HUNK: variants seen among roughly 807,000 people sequenced by gnomAD.
HUNK encodes hormonally up-regulated Neu-associated kinase.
A neutral mutation model predicts 61.0 loss-of-function variants in HUNK; 21 were observed. The ratio of observed to expected loss-of-function variants is 0.34; its 90% CI spans 0.24 to 0.50. The LOEUF is 0.50. HUNK is among the 20% of genes least tolerant of loss of function. The probability of loss-of-function intolerance (pLI) is 0.98; values close to 1 mark genes in which losing one functional copy is unlikely to be tolerated. For missense variants in HUNK, 772 were observed against 945.7 expected (o/e 0.82, Z 2.41); for synonymous variants, 371 against 386.1 (o/e 0.96, Z 0.46).
At chr21:31,931,511 C>T (rs556740786) in intron 2 of HUNK, among the ~76,000 whole-genome samples, 7 of 152,092 alleles carry the variant, frequency 4.6e-5, no homozygotes, top group Admixed American at 2.0e-4. Context: ...TCATGATGGT[C>T]GGGTTCCAGG....
chr21:31,951,929 G>A (rs2123835988), intron 4 of HUNK, among the ~76,000 whole-genome samples: 1 of 152,346 alleles, frequency 6.6e-6, no homozygotes, highest in Non-Finnish European at 1.5e-5. Flanking sequence ...AGTGGGAAGA[G>A]TAAAGCTATG....
rs778552135 is a variant in HUNK, at chr21:31,999,017, C to T, written c.1978C>T (p.Arg660Ter). ...GGGGAGCCCCAATTGTGTGAAAAGC[C>T]GAGGCCGGTTCCCTATGATGGGCAT... ...PLGSPNCVKS[R>*]GRFPMMGIGQ... Residue 660 changes from arginine to a stop codon, truncating the protein, a stop_gained, in exon 11 of 11, where the codon CGA (arginine) becomes TGA (stop). Coordinates refer to ENST00000270112, the MANE Select transcript of HUNK (RefSeq NM_014586.2). LOFTEE classifies it high-confidence loss of function. 14 of 1,614,078 alleles carry T rather than the reference C, an allele frequency of 8.7e-6. No individual in the cohort carries two copies. Among genetic ancestry groups the T allele is most frequent in the Non-Finnish European group, 1.7e-6 (2 of 1,180,026 alleles).
intron 6 of HUNK, among the ~76,000 whole-genome samples, chr21:31,972,132 C>T (rs2053015918): frequency 6.6e-6 from 1 of 152,158 alleles, no homozygotes; most frequent in South Asian, 2.1e-4. Flanking sequence ...GCCAAGCTTG[C>T]TGCCTCTTTC....
intron 2 of HUNK, among the ~76,000 whole-genome samples, chr21:31,935,258 GT>G (rs1162641433): frequency 6.6e-6 from 1 of 152,186 alleles, no homozygotes; most frequent in Non-Finnish European, 1.5e-5. Flanking sequence ...TATAGACAAT[GT>G]TTTTTAGAGC....
intron 2 of HUNK, among the ~76,000 whole-genome samples, chr21:31,939,935 C>G (rs895652503): frequency 1.3e-5 from 2 of 151,736 alleles, no homozygotes; most frequent in Non-Finnish European, 2.9e-5. Context: ...CCCTTCTGTC[C>G]TCTTTGCTGT....
chr21:31,939,714 G>GC (rs2052756815), intron 2 of HUNK, among the ~76,000 whole-genome samples: 1 of 136,214 alleles, frequency 7.3e-6, no homozygotes, highest in Non-Finnish European at 1.5e-5. Flanking sequence ...GGCCTCATGT[G>GC]TTGTTTTTTT....
At chr21:31,908,325 AC>A (rs1303897299) in intron 1 of HUNK, among the ~76,000 whole-genome samples, 4 of 152,096 alleles carry the variant, frequency 2.6e-5, no homozygotes, top group African/African-American at 9.7e-5. Context: ...GATGACCGTA[AC>A]TGTCTTTAGA....
intron 4 of HUNK, among the ~76,000 whole-genome samples, chr21:31,955,711 A>G (rs534598426): frequency 2.0e-5 from 3 of 152,360 alleles, no homozygotes; most frequent in Admixed American, 6.5e-5. Flanking sequence ...GTTTTAGTCA[A>G]TTACCAAAAA....
At chr21:31,920,599 CTA>C (rs1441417425) in intron 1 of HUNK, among the ~76,000 whole-genome samples, 1 of 152,118 alleles carries the variant, frequency 6.6e-6, no homozygotes, top group African/African-American at 2.4e-5. Context: ...ATGTGTGTGT[CTA>C]TGTGTTTTTG....
intron 5 of HUNK, among the ~76,000 whole-genome samples, chr21:31,965,629 TC>T: frequency 6.7e-6 from 1 of 148,890 alleles, no homozygotes; most frequent in African/African-American, 2.5e-5. Flanking sequence ...TGAGACGGAT[TC>T]TCTCTCTCTT....
At chr21:31,959,433 T>C (rs949279652) in intron 5 of HUNK, among the ~76,000 whole-genome samples, 4 of 152,226 alleles carry the variant, frequency 2.6e-5, no homozygotes, top group Non-Finnish European at 5.9e-5. Flanking sequence ...AGTTGAGGTT[T>C]TGAGCCCGTT....
At chr21:31,957,523 C>T (rs1485417474) in intron 4 of HUNK, among the ~76,000 whole-genome samples, 1 of 152,158 alleles carries the variant, frequency 6.6e-6, no homozygotes, top group African/African-American at 2.4e-5. Context: ...TAATTTCAAT[C>T]AGTCTCATTG....
At chr21:31,927,913 T>A (rs2052671985) in intron 2 of HUNK, among the ~76,000 whole-genome samples, 1 of 152,242 alleles carries the variant, frequency 6.6e-6, no homozygotes. Flanking sequence ...TTCTTAGTCA[T>A]GCATGTTGTC....
At chr21:31,876,187 A>G (rs1478045939) in intron 1 of HUNK, among the ~76,000 whole-genome samples, 1 of 152,150 alleles carries the variant, frequency 6.6e-6, no homozygotes, top group Admixed American at 6.5e-5. Flanking sequence ...CCCTGGACCC[A>G]TTGGTGGACT....
At chr21:31,909,384 G>C (rs1291274326) in intron 1 of HUNK, among the ~76,000 whole-genome samples, 1 of 152,170 alleles carries the variant, frequency 6.6e-6, no homozygotes, top group Non-Finnish European at 1.5e-5. Flanking sequence ...CCGGGAAAGT[G>C]GCTTGAGAAC....
intron 2 of HUNK, among the ~76,000 whole-genome samples, chr21:31,926,105 A>G (rs960714212): frequency 4.3e-4 from 65 of 152,054 alleles, no homozygotes; most frequent in Admixed American, 2.7e-3. Flanking sequence ...TTTAGTAGAG[A>G]TGGGCTTTCT....
chr21:31,966,039 A>G (rs1368086544), intron 5 of HUNK, among the ~76,000 whole-genome samples: 7 of 152,250 alleles, frequency 4.6e-5, no homozygotes, highest in Admixed American at 1.3e-4. Flanking sequence ...CCCAATGTGT[A>G]GTCTATTATC....
At chr21:31,892,833 T>A (rs1455066485) in intron 1 of HUNK, among the ~76,000 whole-genome samples, 1 of 152,126 alleles carries the variant, frequency 6.6e-6, no homozygotes, top group Non-Finnish European at 1.5e-5. Flanking sequence ...TCTGGATGTC[T>A]GCATTCCTGG....
intron 1 of HUNK, among the ~76,000 whole-genome samples, chr21:31,885,159 G>A (rs1310181507): frequency 1.3e-5 from 2 of 152,188 alleles, no homozygotes; most frequent in African/African-American, 4.8e-5. Context: ...TAAGACAGTG[G>A]TTGAGAAGAA....
Sources: allele counts gnomAD v4.1 joint callset (sites outside exome capture counted in the v4.1 genomes callset), GRCh38; gene constraint gnomAD v4.1.1; transcripts MANE v1.5; gene names NCBI Gene and HGNC (gene_info 2026-07-23, HGNC 2026-07-21).